ABR: variants seen among roughly 807,000 people sequenced by gnomAD.
ABR encodes the protein ABR activator of RhoGEF and GTPase, also known as active breakpoint cluster region-related protein.
A neutral mutation model predicts 107.2 loss-of-function variants in ABR; 35 were observed. That is an observed-to-expected ratio of 0.33 (90% CI 0.25 to 0.43). The LOEUF is 0.43. Ranked by LOEUF, ABR falls within the 20% of genes least tolerant of loss-of-function variation. The pLI is 1.00. For missense variants in ABR, 815 were observed against 1,115.2 expected (o/e 0.73, Z 3.83); for synonymous variants, 498 against 462.0 (o/e 1.08, Z -1.00).
At chr17:1,097,993 G>A (rs749241176) in intron 3 of ABR, among the ~76,000 whole-genome samples, 3 of 152,104 alleles carry the variant, frequency 2.0e-5, no homozygotes, top group Non-Finnish European at 4.4e-5. Flanking sequence ...GAGAAAGAAT[G>A]GCATCCCTCT....
intron 16 of ABR, among the ~76,000 whole-genome samples, chr17:1,048,816 G>A (rs1044025921): frequency 3.3e-5 from 5 of 151,818 alleles, no homozygotes; most frequent in Non-Finnish European, 7.3e-5. Flanking sequence ...TCGGCGCCCA[G>A]CTGTGCCTGG....
intron 2 of ABR, among the ~76,000 whole-genome samples, chr17:1,105,339 G>A (rs772787706): frequency 1.3e-5 from 2 of 151,944 alleles, no homozygotes; most frequent in Non-Finnish European, 2.9e-5. Flanking sequence ...TACCCTACAC[G>A]TATTTGAAAT....
intron 14 of ABR, 35 bp downstream of exon 14, chr17:1,056,000 G>A (rs748495405): frequency 1.9e-6 from 3 of 1,592,384 alleles, no homozygotes; most frequent in East Asian, 4.5e-5. Flanking sequence ...AATCCACAAT[G>A]GCCCACCCAA....
chr17:1,009,919 A>G, intron 20 of ABR, 135 bp from the exon 21 acceptor site: 1 of 726,166 alleles, frequency 1.4e-6, no homozygotes, highest in Middle Eastern at 3.7e-4. Flanking sequence ...CCCACAGGGG[A>G]GGGCCTGGTG....
upstream of ABR, chr17:1,181,871 T>C (rs2150652982): frequency 6.6e-6 from 1 of 152,350 alleles, no homozygotes; most frequent in Middle Eastern, 3.4e-3. Context: ...ACTGTGGGGT[T>C]TTCCTGATGG....
chr17:1,013,420 C>T (rs1315079935), intron 16 of ABR, among the ~76,000 whole-genome samples: 5 of 149,534 alleles, frequency 3.3e-5, no homozygotes, highest in East Asian at 1.9e-4. Flanking sequence ...TGTTACCCGC[C>T]GTGGGGGAGG....
At chr17:1,159,320 A>T (rs374881430) in intron 1 of ABR, among the ~76,000 whole-genome samples, 8 of 85,776 alleles carry the variant, frequency 9.3e-5, no homozygotes, top group Admixed American at 2.5e-4. Flanking sequence ...AAGGGAAGTA[A>T]GAATGCAGTA....
At chr17:1,198,838 T>G (rs769802488) in intron 1 of ABR, among the ~76,000 whole-genome samples, 46 of 147,000 alleles carry the variant, frequency 3.1e-4, no homozygotes, top group Non-Finnish European at 5.4e-4. Flanking sequence ...TTTCACCGTG[T>G]TAGCCAGGAT....
At position 1,027,397 on chromosome 17, in the gene ABR, T is replaced by C. The variant is rs2150878197; in HGVS notation, c.1792-14233A>G. Among the ~76,000 whole-genome samples the C allele has an allele frequency of 6.6e-6, 1 of 152,230 alleles. No individual in the cohort carries two copies. The highest frequency in any genetic ancestry group is 1.5e-5 in the Non-Finnish European group (1 of 67,996). ...CAGCCCCCTCTGAAGTCGCACACAG[T>C]GTGTGCATGGGGTGGCTCTGTGTCT... On this transcript the variant is annotated intron_variant, in intron 16 of 22. Transcript: ENST00000302538. The surrounding 1 kb of genome is among the most constrained non-coding windows in gnomAD (Gnocchi z 4.7).
At chr17:1,156,574 C>G (rs2041052173) in intron 1 of ABR, among the ~76,000 whole-genome samples, 2 of 152,212 alleles carry the variant, frequency 1.3e-5, no homozygotes, top group South Asian at 4.1e-4. Context: ...ATCCCAGCTA[C>G]TTGGGAGGTT....
intron 16 of ABR, chr17:1,031,842 G>A (rs1383125020): frequency 1.6e-6 from 2 of 1,220,198 alleles, no homozygotes; most frequent in South Asian, 4.2e-5. Flanking sequence ...GGCTTTCCCC[G>A]CGCTCGCCTC....
intron 1 of ABR, among the ~76,000 whole-genome samples, chr17:1,162,739 G>T (rs996992241): frequency 1.3e-5 from 2 of 150,754 alleles, no homozygotes; most frequent in Non-Finnish European, 3.0e-5. Flanking sequence ...ACTTTGAAAG[G>T]CTAGGCCAAG....
At chr17:1,192,247 G>C (rs944826913), upstream of ABR, among the ~76,000 whole-genome samples, 1 of 152,084 alleles carries the variant, frequency 6.6e-6, no homozygotes, top group Non-Finnish European at 1.5e-5. Flanking sequence ...AAAGTGCTGG[G>C]ATTACAGGCA....
At chr17:1,105,327 C>T (rs1416189064) in intron 2 of ABR, among the ~76,000 whole-genome samples, 1 of 152,046 alleles carries the variant, frequency 6.6e-6, no homozygotes, top group East Asian at 1.9e-4. Context: ...AAAAAGCAGT[C>T]TTACCCTACA....
At chr17:1,149,221 A>T (rs1309298590) in intron 1 of ABR, among the ~76,000 whole-genome samples, 3 of 151,772 alleles carry the variant, frequency 2.0e-5, no homozygotes, top group African/African-American at 4.8e-5. Flanking sequence ...GCCATAATTT[A>T]AAAAAATAGA....
intron 16 of ABR, among the ~76,000 whole-genome samples, chr17:1,046,156 C>G (rs916222749): frequency 3.3e-5 from 5 of 152,156 alleles, no homozygotes; most frequent in African/African-American, 1.2e-4. Context: ...CAGGCACGCA[C>G]GACCACCCCT....
intron 2 of ABR, among the ~76,000 whole-genome samples, chr17:1,109,541 G>C (rs950190697): frequency 6.6e-6 from 1 of 152,052 alleles, no homozygotes; most frequent in African/African-American, 2.4e-5. Context: ...GGCCGCGGCC[G>C]GGCCGGGGTG....
chr17:1,025,230 A>C (rs1280218687), intron 16 of ABR, among the ~76,000 whole-genome samples: 1 of 151,850 alleles, frequency 6.6e-6, no homozygotes, highest in Non-Finnish European at 1.5e-5. Flanking sequence ...CGGGAGGCGG[A>C]GGCTGCAGCG....
At chr17:1,069,676 GA>G (rs1310118527) in intron 9 of ABR, among the ~76,000 whole-genome samples, 1 of 151,624 alleles carries the variant, frequency 6.6e-6, no homozygotes, top group East Asian at 1.9e-4. Flanking sequence ...TGTCTCAAAA[GA>G]AAAAAAACCA....
Sources: allele counts gnomAD v4.1 joint callset (sites outside exome capture counted in the v4.1 genomes callset), GRCh38; gene constraint gnomAD v4.1.1; non-coding constraint Gnocchi (gnomAD v3.1); transcripts MANE v1.5; gene names NCBI Gene and HGNC (gene_info 2026-07-23, HGNC 2026-07-21).